TRAK1: variants seen among roughly 807,000 people sequenced by gnomAD.
TRAK1 encodes trafficking kinesin protein 1.
A neutral mutation model predicts 92.1 loss-of-function variants in TRAK1; 33 were observed. The ratio of observed to expected loss-of-function variants is 0.36; its 90% CI spans 0.27 to 0.48. The LOEUF (loss-of-function observed/expected upper bound fraction) is 0.48, where lower values mean the gene tolerates loss of function less well. Ranked by LOEUF, TRAK1 falls within the 20% of genes least tolerant of loss-of-function variation. The pLI is 0.99. For synonymous variants in TRAK1, 521 were observed against 517.3 expected (o/e 1.01, Z -0.10); for missense variants, 1,123 against 1,257.9 (o/e 0.89, Z 1.62).
At chr3:42,139,737 C>T (rs1189571984) in intron 2 of TRAK1, among the ~76,000 whole-genome samples, 1 of 152,026 alleles carries the variant, frequency 6.6e-6, no homozygotes, top group Non-Finnish European at 1.5e-5. Context: ...ACAGATTTTT[C>T]TTTTTCATGT....
intron 1 of TRAK1, among the ~76,000 whole-genome samples, chr3:42,105,476 GT>G (rs750579622): frequency 2.6e-5 from 4 of 152,168 alleles, no homozygotes; most frequent in Non-Finnish European, 4.4e-5. Context: ...GGAAAAAAGA[GT>G]AAAAAGAAAC....
upstream of TRAK1, among the ~76,000 whole-genome samples, chr3:42,084,842 T>A (rs1243156957): frequency 6.6e-6 from 1 of 151,884 alleles, no homozygotes; most frequent in Non-Finnish European, 1.5e-5. Flanking sequence ...TTTATCTACA[T>A]GTTGTTTTGC....
intron 1 of TRAK1, among the ~76,000 whole-genome samples, chr3:42,039,868 G>T (rs1702469890): frequency 6.6e-6 from 1 of 152,114 alleles, no homozygotes; most frequent in South Asian, 2.1e-4. Flanking sequence ...ATTCTCCCTA[G>T]ATCCTTGCCA....
intron 7 of TRAK1, among the ~76,000 whole-genome samples, chr3:42,192,224 C>A (rs1705870374): frequency 6.6e-6 from 1 of 152,024 alleles, no homozygotes; most frequent in African/African-American, 2.4e-5. Flanking sequence ...TTTTTTAATG[C>A]CTAAGTTAGG....
chr3:42,027,162 A>C (rs759799835), intron 1 of TRAK1, among the ~76,000 whole-genome samples: 1 of 152,344 alleles, frequency 6.6e-6, no homozygotes, highest in Middle Eastern at 3.4e-3. Flanking sequence ...ATAATGAGAT[A>C]ATATGTGCAT....
intron 2 of TRAK1, chr3:42,160,563 G>GTTTT: frequency 1.8e-5 from 18 of 1,002,090 alleles, no homozygotes; most frequent in South Asian, 2.0e-5. Context: ...GCACTGTTTT[G>GTTTT]TTTTTGTTTT....
intron 1 of TRAK1, among the ~76,000 whole-genome samples, chr3:42,105,536 C>T (rs886751724): frequency 3.3e-5 from 5 of 152,132 alleles, no homozygotes; most frequent in Non-Finnish European, 7.3e-5. Context: ...ACCAAATCTA[C>T]GTCTGATTGG....
At position 42,113,102 on chromosome 3, in the gene TRAK1, CA is replaced by C. The variant is rs550754851; in HGVS notation, c.92-12317del. Among the ~76,000 whole-genome samples the C allele has an allele frequency of 2.0e-4, 31 of 151,244 alleles. No homozygotes were observed. The South Asian group carries it at 4.2e-3, about 21-fold the overall frequency. ...TGTCATTTTAAAAAGTATTATAGGC[CA>C]GGGCGCTGTGCTTATGCCTGTGATC... is the stretch of plus-strand genomic sequence containing the variant. On this transcript the variant is annotated intron_variant, in intron 1 of 15. Coordinates refer to ENST00000327628, the MANE Select transcript of TRAK1 (RefSeq NM_001042646.3).
intron 1 of TRAK1, among the ~76,000 whole-genome samples, chr3:42,121,131 C>A (rs1049069372): frequency 1.3e-5 from 2 of 152,166 alleles, no homozygotes; most frequent in African/African-American, 4.8e-5. Flanking sequence ...CAAGATGTGC[C>A]GCAGCCCTCG....
At chr3:42,079,802 G>GT (rs1181381098) in intron 1 of TRAK1, among the ~76,000 whole-genome samples, 4 of 151,248 alleles carry the variant, frequency 2.6e-5, no homozygotes, top group East Asian at 1.9e-4. Context: ...TTTTTTTGTT[G>GT]TTTTTTTAAC....
intron 1 of TRAK1, among the ~76,000 whole-genome samples, chr3:42,024,167 A>G (rs1018263834): frequency 6.6e-6 from 1 of 152,238 alleles, no homozygotes; most frequent in South Asian, 2.1e-4. Flanking sequence ...CTGTGTAGTG[A>G]TATCCATGTG....
At chr3:42,069,445 G>GGA (rs573313105) in intron 1 of TRAK1, among the ~76,000 whole-genome samples, 2 of 152,178 alleles carry the variant, frequency 1.3e-5, no homozygotes, top group Non-Finnish European at 2.9e-5. Context: ...TACCTAATAA[G>GGA]GAGGTAACTG....
chr3:42,179,388 A>G (rs528293419), intron 3 of TRAK1, among the ~76,000 whole-genome samples: 4 of 152,208 alleles, frequency 2.6e-5, no homozygotes, highest in Non-Finnish European at 4.4e-5. Context: ...GGGGATTCGC[A>G]CAGGATCCCA....
intron 1 of TRAK1, among the ~76,000 whole-genome samples, chr3:42,060,046 A>G (rs910319912): frequency 1.3e-5 from 2 of 152,172 alleles, no homozygotes; most frequent in Non-Finnish European, 2.9e-5. Flanking sequence ...TTTAAAAAAC[A>G]TTCTGTTTTT....
chr3:42,202,439 C>A lies in TRAK1; in HGVS notation c.1431C>A (p.Asn477Lys). Residue 477 changes from asparagine to lysine, a missense_variant, in exon 13 of 16, where the codon AAC becomes AAA. Coordinates refer to ENST00000327628, the MANE Select transcript of TRAK1 (RefSeq NM_001042646.3). This position sits in a 1 kb window ranked among gnomAD's most constrained non-coding sequence, Gnocchi z 6.1. ...TCACACCCCTTTCTTCTTCCAGAAACGATGAGCGGAGTAAGAAGCCGGGGA... is the reference window on the plus strand; with the variant it reads ...TCACACCCCTTTCTTCTTCCAGAAAAGATGAGCGGAGTAAGAAGCCGGGGA... Reference protein sequence around the residue: ...ILETEAADLGNDERSKKPGTP... With the variant: ...ILETEAADLGKDERSKKPGTP... 1 of 1,477,316 alleles carries A rather than the reference C, an allele frequency of 6.8e-7. No individual in the cohort carries two copies. Among genetic ancestry groups the A allele is most frequent in the Non-Finnish European group, 9.0e-7 (1 of 1,110,536 alleles). The allele number at this position is 1,477,316 out of a possible 1,614,324, so 91.5% of individuals were successfully genotyped here. A position where few individuals can be genotyped will look rare whatever the true frequency, so the allele number is the denominator to read the frequency against.
intron 1 of TRAK1, among the ~76,000 whole-genome samples, chr3:42,067,517 T>G (rs7616129): frequency 0.021 from 3,137 of 152,208 alleles, 119 homozygotes; most frequent in African/African-American, 0.072. Flanking sequence ...GAAGCTAATA[T>G]GGAAATAGAA....
chr3:42,109,573 A>T (rs1230509688), intron 1 of TRAK1, among the ~76,000 whole-genome samples: 3 of 152,214 alleles, frequency 2.0e-5, no homozygotes, highest in Admixed American at 1.3e-4. Flanking sequence ...GATCGCTTTG[A>T]GTGTGCAAAA....
intron 14 of TRAK1, chr3:42,211,435 A>G: frequency 1.0e-6 from 1 of 985,314 alleles, no homozygotes; most frequent in Non-Finnish European, 1.2e-6. Flanking sequence ...TTTATTTGTT[A>G]TCTACACACT....
At chr3:42,098,660 T>C (rs184333913) in intron 1 of TRAK1, among the ~76,000 whole-genome samples, 342 of 152,282 alleles carry the variant, frequency 2.2e-3, no homozygotes, top group African/African-American at 7.9e-3. Context: ...TTTACAAATT[T>C]ACTGCCCTTT....
Sources: gnomAD v4.1 joint callset for allele counts (sites outside exome capture counted in the v4.1 genomes callset) on GRCh38, gnomAD v4.1.1 for gene constraint, Gnocchi (gnomAD v3.1) non-coding constraint, MANE v1.5 for transcripts, NCBI Gene and HGNC (gene_info 2026-07-23, HGNC 2026-07-21) for gene names.